Variants in PRKAR2B observed in about 807,000 individuals in gnomAD.
PRKAR2B encodes cAMP-dependent protein kinase type II-beta regulatory subunit.
PRKAR2B carries 14 observed loss-of-function variants against 49.9 expected under a neutral mutation model. The observed-to-expected ratio is 0.28, with a 90% CI of 0.19 to 0.44. PRKAR2B has a LOEUF of 0.44. Among genes scored for constraint, PRKAR2B ranks in the 20% least tolerant of loss-of-function variants. The probability of loss-of-function intolerance (pLI) is 1.00; values close to 1 mark genes in which losing one functional copy is unlikely to be tolerated. For missense variants in PRKAR2B, 393 were observed against 537.9 expected (o/e 0.73, Z 2.67); for synonymous variants, 196 against 197.7 (o/e 0.99, Z 0.07).
chr7:107,104,567 C>T (rs781167909), intron 2 of PRKAR2B, among the ~76,000 whole-genome samples: 1 of 152,080 alleles, frequency 6.6e-6, no homozygotes, highest in Non-Finnish European at 1.5e-5. Context: ...TCCCTAGTAA[C>T]GCTGAAAATT....
At chr7:107,047,534 GA>G (rs539277175) in intron 1 of PRKAR2B, among the ~76,000 whole-genome samples, 118 of 133,534 alleles carry the variant, frequency 8.8e-4, no homozygotes, top group Middle Eastern at 3.8e-3. Context: ...CTGGTTAGAA[GA>G]AAAAAAAAAA....
chr7:107,117,096 C>A lies in PRKAR2B; in HGVS notation c.344-4856C>A, dbSNP rs1795289755. ...TGCCCCCAATGAGATTTTACTGCCA[C>A]AGAAATACCGTATATCTGTTTATGT... On this transcript the variant is annotated intron_variant, in intron 2 of 10. Transcript: ENST00000265717. Among the ~76,000 whole-genome samples, 3 of 150,034 alleles carry A rather than the reference C, an allele frequency of 2.0e-5. No homozygotes were observed. The Admixed American group carries it at 2.0e-4, about 10-fold the overall frequency.
chr7:107,087,958 T>C (rs1794653038), intron 2 of PRKAR2B, among the ~76,000 whole-genome samples: 1 of 152,224 alleles, frequency 6.6e-6, no homozygotes, highest in South Asian at 2.1e-4. Flanking sequence ...AGTTACTCTG[T>C]TAACCCCATT....
chr7:107,055,414 C>T (rs1178845535), intron 1 of PRKAR2B, among the ~76,000 whole-genome samples: 4 of 152,166 alleles, frequency 2.6e-5, no homozygotes, highest in Non-Finnish European at 4.4e-5. Context: ...GTTGAACTAG[C>T]TTACAGTCCC....
intron 2 of PRKAR2B, among the ~76,000 whole-genome samples, chr7:107,072,885 G>A (rs536639790): frequency 2.4e-4 from 37 of 152,178 alleles, no homozygotes; most frequent in Non-Finnish European, 4.6e-4. Context: ...TGGTAATTTA[G>A]GGGAAGAAAG....
chr7:107,133,393 T>G (rs529436640), intron 4 of PRKAR2B, among the ~76,000 whole-genome samples: 1 of 152,376 alleles, frequency 6.6e-6, no homozygotes, highest in East Asian at 1.9e-4. Context: ...GAGTCAGAAC[T>G]AATCAATAAA....
At chr7:107,068,334 C>T (rs1427995540) in intron 1 of PRKAR2B, among the ~76,000 whole-genome samples, 1 of 152,010 alleles carries the variant, frequency 6.6e-6, no homozygotes, top group African/African-American at 2.4e-5. Context: ...AAGTTTTTAA[C>T]CTTCATCTTG....
chr7:107,059,286 T>A (rs1340465941), intron 1 of PRKAR2B, among the ~76,000 whole-genome samples: 1 of 85,702 alleles, frequency 1.2e-5, no homozygotes, highest in Non-Finnish European at 2.1e-5. Context: ...GAAAAAAAGT[T>A]ATTTTTTTTT....
chr7:107,083,902 C>T lies in PRKAR2B; in HGVS notation c.343+13586C>T, dbSNP rs1430912881. On this transcript the variant is annotated intron_variant, in intron 2 of 10. Coordinates refer to ENST00000265717, the MANE Select transcript of PRKAR2B (RefSeq NM_002736.3). ...CTGGGATTACAGGCGTGAGCCACCA[C>T]GTCTGGCCAAACCTAGTTTTTAGCT... Among the ~76,000 whole-genome samples, 5 of 152,230 alleles carry T rather than the reference C, an allele frequency of 3.3e-5. No homozygotes were observed. In the South Asian group the frequency reaches 6.2e-4, roughly 19 times the overall value.
intron 5 of PRKAR2B, among the ~76,000 whole-genome samples, chr7:107,141,669 G>A (rs1442990663): frequency 6.6e-6 from 1 of 152,020 alleles, no homozygotes; most frequent in East Asian, 1.9e-4. Flanking sequence ...CTACAACCTG[G>A]GCAACAAGAG....
chr7:107,150,095 A>G (rs1330936972), intron 6 of PRKAR2B, among the ~76,000 whole-genome samples: 2 of 152,254 alleles, frequency 1.3e-5, no homozygotes, highest in East Asian at 3.9e-4. Flanking sequence ...ATAATTGTTT[A>G]TTAATGAATG....
Position 107,135,282 on chromosome 7 carries a change from A to C in PRKAR2B, c.481-5565A>C, listed in dbSNP as rs561903346. Among the ~76,000 whole-genome samples the C allele has an allele frequency of 1.2e-4, 18 of 152,208 alleles. 1 individual carries two copies. The highest frequency in any genetic ancestry group is 2.6e-4 in the Non-Finnish European group (18 of 68,012). On this transcript the variant is annotated intron_variant, in intron 4 of 10. Transcript: ENST00000265717. ...CCCCACCGGGGTAGTTACAATTTTA[A>C]AAAAGGAAAATAAAGTGATTAATTT...
Position 107,153,293 on chromosome 7 carries a change from C to A in PRKAR2B, c.918+42C>A, listed in dbSNP as rs369623244. 58 of 1,433,164 alleles carry A rather than the reference C, an allele frequency of 4.0e-5. No individual in the cohort carries two copies. The African/African-American group carries it at 8.1e-4, about 20-fold the overall frequency. 88.8% of individuals were successfully genotyped at this position (1,433,164 alleles called of 1,614,324 possible). On this transcript the variant is annotated intron_variant, in intron 8 of 10. Coordinates refer to ENST00000265717, the MANE Select transcript of PRKAR2B (RefSeq NM_002736.3). ...TGTAATTCAGTTTAGGGTTATATTC[C>A]AAAAGGTTCCTGTAGTGGTAGATCT...
chr7:107,137,937 T>C (rs1212803652), intron 4 of PRKAR2B, among the ~76,000 whole-genome samples: 4 of 151,928 alleles, frequency 2.6e-5, no homozygotes, highest in East Asian at 1.9e-4. Flanking sequence ...TTGACTGTGC[T>C]GGGCACTTGA....
chr7:107,058,780 C>T (rs1793964526), intron 1 of PRKAR2B, among the ~76,000 whole-genome samples: 1 of 152,142 alleles, frequency 6.6e-6, no homozygotes, highest in African/African-American at 2.4e-5. Context: ...CATTAAAGTA[C>T]ATTTTGAACT....
At chr7:107,147,454 G>C (rs1324834613) in intron 6 of PRKAR2B, among the ~76,000 whole-genome samples, 5 of 152,154 alleles carry the variant, frequency 3.3e-5, no homozygotes, top group Admixed American at 6.5e-5. Flanking sequence ...AGATACATTC[G>C]GGCAATATTT....
rs754717990 is a variant in PRKAR2B, at chr7:107,157,211, G to A, written c.1010G>A (p.Gly337Asp). Residue 337 changes from glycine (G) to aspartate (D), a missense_variant, in exon 10 of 11, where the codon GGT (glycine) becomes GAT (aspartate). Gly to Asp is a moderately conservative substitution (Grantham distance 94). Coordinates refer to ENST00000265717, the MANE Select transcript of PRKAR2B (RefSeq NM_002736.3). ...GGTAAATCAGAAGTGGAAGAGAATG[G>A]TGCAGTAGAAATCGCTCGATGCTCG... is the stretch of plus-strand genomic sequence containing the variant. The part of the protein sequence containing the change: ...RKGKSEVEEN[G>D]AVEIARCSRG... The A allele has an allele frequency of 1.9e-6, 3 of 1,614,088 alleles. No homozygotes were observed. Among genetic ancestry groups the A allele is most frequent in the East Asian group, 2.2e-5 (1 of 44,886 alleles).
chr7:107,074,059 T>C (rs932975064), intron 2 of PRKAR2B, among the ~76,000 whole-genome samples: 2 of 151,992 alleles, frequency 1.3e-5, no homozygotes, highest in African/African-American at 2.4e-5. Context: ...AGACCCTGTC[T>C]CAAAAAATAA....
chr7:107,146,424 C>T lies in PRKAR2B; in HGVS notation c.704C>T (p.Thr235Ile). The T allele has an allele frequency of 6.2e-7, 1 of 1,614,170 alleles. No homozygotes were observed. The highest frequency in any genetic ancestry group is 8.5e-7 in the Non-Finnish European group (1 of 1,180,000). ...ATGTACAATACACCCAGAGCAGCTA[C>T]AATCACTGCTACCTCTCCTGGTGCT... Reference protein sequence around the residue: ...ALMYNTPRAATITATSPGALW... With the variant: ...ALMYNTPRAAIITATSPGALW... The change falls in exon 6 of 11, where the codon ACA (threonine) becomes ATA (isoleucine). Residue 235 changes from threonine (T) to isoleucine (I), a missense_variant. Physicochemically the swap from Thr to Ile is moderately conservative, Grantham distance 89. Coordinates refer to ENST00000265717, the MANE Select transcript of PRKAR2B (RefSeq NM_002736.3).
Sources: allele counts gnomAD v4.1 joint callset (sites outside exome capture counted in the v4.1 genomes callset), GRCh38; gene constraint gnomAD v4.1.1; transcripts MANE v1.5; gene names NCBI Gene and HGNC (gene_info 2026-07-23, HGNC 2026-07-21).